The following NAALADL2 variants were observed in gnomAD, a reference collection of about 807,000 sequenced individuals.
NAALADL2 encodes the protein N-acetylated alpha-linked acidic dipeptidase like 2.
A neutral mutation model predicts 87.2 loss-of-function variants in NAALADL2; 76 were observed. The ratio of observed to expected loss-of-function variants is 0.87; its 90% CI spans 0.72 to 1.05. The LOEUF is 1.05. Ranked by LOEUF, NAALADL2 falls within the 50% of genes least tolerant of loss-of-function variation. NAALADL2 has a pLI of 0.00. For missense variants in NAALADL2, 1,089 were observed against 945.8 expected (o/e 1.15, Z -1.99); for synonymous variants, 354 against 331.0 (o/e 1.07, Z -0.75).
At chr3:175,291,291 A>G (rs970241162) in intron 4 of NAALADL2, among the ~76,000 whole-genome samples, 5 of 152,148 alleles carry the variant, frequency 3.3e-5, no homozygotes, top group African/African-American at 9.7e-5. Context: ...CATTCTAATA[A>G]TATTCTAGCA....
intron 12 of NAALADL2, 23 bp from the exon 13 acceptor site, chr3:175,755,197 A>G: frequency 1.3e-6 from 2 of 1,594,700 alleles, no homozygotes; most frequent in Non-Finnish European, 1.7e-6. Flanking sequence ...CTCTTCTGAG[A>G]TGGGCTCATT....
intron 1 of NAALADL2, among the ~76,000 whole-genome samples, chr3:174,504,702 A>C (rs1199610989): frequency 1.3e-5 from 2 of 152,138 alleles, no homozygotes; most frequent in South Asian, 2.1e-4. Context: ...GAAAGAATAT[A>C]GGTATAGATA....
chr3:175,620,157 T>C (rs1254815810), intron 10 of NAALADL2, among the ~76,000 whole-genome samples: 1 of 151,940 alleles, frequency 6.6e-6, no homozygotes, highest in African/African-American at 2.4e-5. Flanking sequence ...AGAAATGACA[T>C]AGGATTCCTT....
rs71626203 is a variant in NAALADL2 at position 175,223,094 on chromosome 3, C to CTGTGTGTGTGTGTG, written c.546-10812_546-10799dup. Among the ~76,000 whole-genome samples, 530 of 147,582 alleles carry CTGTGTGTGTGTGTG rather than the reference C, an allele frequency of 3.6e-3. 1 individual carries two copies. Among genetic ancestry groups the CTGTGTGTGTGTGTG allele is most frequent in the Middle Eastern group, 0.021 (6 of 284 alleles). On this transcript the variant is annotated intron_variant, in intron 2 of 13. Coordinates refer to ENST00000454872, the MANE Select transcript of NAALADL2 (RefSeq NM_207015.3). ...ACATTCATCACTACCCATAGTTACT[C>CTGTGTGTGTGTGTG]TGTGTGTGTGTGTGTGTGTGTGTGT...
rs192640047 is a variant in NAALADL2 at position 175,743,729 on chromosome 3, T to C, written c.1990+6330T>C. Among the ~76,000 whole-genome samples the C allele has an allele frequency of 7.0e-4, 106 of 152,238 alleles. 1 individual carries two copies. The highest frequency in any genetic ancestry group is 6.9e-3 in the Admixed American group (105 of 15,288). On this transcript the variant is annotated intron_variant, in intron 12 of 13. Transcript: ENST00000454872. Reference sequence around the variant, plus strand: ...ATCGAAGAATTGACAACACATGAGCTGACAAGGCAGGAGGTGGTAGTCAGC... The same window carrying C: ...ATCGAAGAATTGACAACACATGAGCCGACAAGGCAGGAGGTGGTAGTCAGC...
chr3:174,597,483 C>T (rs556743308), intron 2 of NAALADL2, among the ~76,000 whole-genome samples: 2 of 152,168 alleles, frequency 1.3e-5, no homozygotes, highest in African/African-American at 2.4e-5. Context: ...AGCAAAGGGC[C>T]AACCTTGCAA....
intron 6 of NAALADL2, among the ~76,000 whole-genome samples, chr3:175,454,816 A>G (rs1048249374): frequency 6.6e-6 from 1 of 152,050 alleles, no homozygotes; most frequent in African/African-American, 2.4e-5. Context: ...CTTTCCATCC[A>G]TTTATTTCCT....
chr3:174,875,955 CAACTT>C (rs1397789121), intron 1 of NAALADL2, among the ~76,000 whole-genome samples: 7 of 149,712 alleles, frequency 4.7e-5, no homozygotes, highest in African/African-American at 1.2e-4. Context: ...TATGAGTAAT[CAACTT>C]AAAAGATAGA....
intron 1 of NAALADL2, among the ~76,000 whole-genome samples, chr3:175,058,676 C>T (rs1559971402): frequency 1.3e-5 from 2 of 152,110 alleles, no homozygotes; most frequent in African/African-American, 2.4e-5. Flanking sequence ...AGCAAGACAT[C>T]TGTATGAAAG....
intron 1 of NAALADL2, among the ~76,000 whole-genome samples, chr3:174,460,558 A>G (rs148872854): frequency 0.024 from 3,692 of 152,106 alleles, 57 homozygotes; most frequent in Non-Finnish European, 0.036. Flanking sequence ...TAGAGCAGCA[A>G]TGTTAAGTCT....
chr3:174,515,278 A>G (rs1247377572), intron 1 of NAALADL2, among the ~76,000 whole-genome samples: 1 of 152,102 alleles, frequency 6.6e-6, no homozygotes, highest in Non-Finnish European at 1.5e-5. Context: ...TTAAGCCCCT[A>G]GGTTTGGAAT....
chr3:175,170,540 A>G (rs1032858092), intron 2 of NAALADL2, among the ~76,000 whole-genome samples: 3 of 148,920 alleles, frequency 2.0e-5, no homozygotes. Context: ...GAAGAGAGAT[A>G]AAAGATGTGT....
intron 1 of NAALADL2, among the ~76,000 whole-genome samples, chr3:174,453,145 A>G (rs1009080688): frequency 9.2e-5 from 14 of 152,230 alleles, no homozygotes; most frequent in Admixed American, 7.8e-4. Context: ...TGCAATCACA[A>G]GTATTAATAG....
At chr3:175,327,347 G>A (rs1760862139) in intron 5 of NAALADL2, among the ~76,000 whole-genome samples, 1 of 151,806 alleles carries the variant, frequency 6.6e-6, no homozygotes, top group Admixed American at 6.6e-5. Context: ...AGTAGAGACG[G>A]GGTTTCACCA....
chr3:174,880,742 T>G (rs1246885893), intron 1 of NAALADL2, among the ~76,000 whole-genome samples: 1 of 152,172 alleles, frequency 6.6e-6, no homozygotes, highest in African/African-American at 2.4e-5. Flanking sequence ...TATATTCGTT[T>G]CTTCAGGCTG....
rs1270100294 is a variant in NAALADL2 at position 175,180,627 on chromosome 3, G to A, written c.546-53304G>A. Among the ~76,000 whole-genome samples the A allele has an allele frequency of 2.6e-5, 4 of 151,806 alleles. No homozygotes were observed. In the East Asian group the frequency reaches 7.7e-4, roughly 29 times the overall value. ...TGGGAAGGAGATCGAAATTTTAAAT[G>A]TATGCAATTCATGAAATGAGAAAGA... On this transcript the variant is annotated intron_variant, in intron 2 of 13. Transcript: ENST00000454872.
intron 9 of NAALADL2, among the ~76,000 whole-genome samples, chr3:175,546,290 T>C (rs1377406012): frequency 1.3e-5 from 2 of 152,156 alleles, no homozygotes; most frequent in Non-Finnish European, 2.9e-5. Context: ...TGTCCTTGCA[T>C]GTGAGACGGG....
intron 1 of NAALADL2, among the ~76,000 whole-genome samples, chr3:175,076,681 G>A (rs1354451954): frequency 2.6e-5 from 4 of 152,036 alleles, no homozygotes; most frequent in Non-Finnish European, 4.4e-5. Context: ...TAAATGTAAT[G>A]ATAATTCTGT....
At chr3:175,426,703 T>G (rs1241376116) in intron 5 of NAALADL2, among the ~76,000 whole-genome samples, 1 of 107,340 alleles carries the variant, frequency 9.3e-6, no homozygotes, top group African/African-American at 3.0e-5. Context: ...CCAAAAATTC[T>G]AATATAATAA....
Sources: allele counts gnomAD v4.1 joint callset (sites outside exome capture counted in the v4.1 genomes callset), GRCh38; gene constraint gnomAD v4.1.1; transcripts MANE v1.5; gene names NCBI Gene and HGNC (gene_info 2026-07-23, HGNC 2026-07-21).